GSE1: variants seen among roughly 807,000 people sequenced by gnomAD.
GSE1 encodes Gse1 coiled-coil protein.
GSE1 carries 32 observed loss-of-function variants against 112.6 expected under a neutral mutation model. That is an observed-to-expected ratio of 0.28 (90% CI 0.21 to 0.38). The LOEUF (loss-of-function observed/expected upper bound fraction) is 0.38. Among genes scored for constraint, GSE1 ranks in the 10% least tolerant of loss-of-function variants. The probability of loss-of-function intolerance (pLI) is 1.00; values close to 1 mark genes in which losing one functional copy is unlikely to be tolerated. For synonymous variants in GSE1, 1,115 were observed against 735.6 expected (o/e 1.52, Z -8.35); for missense variants, 2,348 against 1,699.2 (o/e 1.38, Z -6.71).
At chr16:85,476,838 C>T (rs565406076) in intron 2 of GSE1, among the ~76,000 whole-genome samples, 1 of 150,884 alleles carries the variant, frequency 6.6e-6, no homozygotes, top group African/African-American at 2.4e-5. Context: ...GCCTTGAACT[C>T]CTGGGCTCAA....
chr16:85,535,461 G>A lies in GSE1; in HGVS notation c.2465-98453G>A, dbSNP rs117271327. ...CAGTGGGATTTTACAGACACCCTCA[G>A]CCTGTGTGACCCGGGAGCTTTTCCA... is the stretch of plus-strand genomic sequence containing the variant. On this transcript the variant is annotated intron_variant, in intron 2 of 2. Transcript: ENST00000637419. 3.5e-3 allele frequency among the ~76,000 whole-genome samples: 540 copies of A among 152,338 alleles called. 18 individuals carry two copies. The East Asian group carries it at 0.084, about 24-fold the overall frequency.
chr16:85,434,841 A>G lies in GSE1; in HGVS notation c.2464+77198A>G, dbSNP rs115928817. ...AAAAATAAAAGGAAGTATCAGAGCC[A>G]GAATGGAAAGACAGGCCAGGGGCTG... is the stretch of plus-strand genomic sequence containing the variant. On this transcript the variant is annotated intron_variant, in intron 2 of 2. Coordinates refer to the GSE1 transcript ENST00000637419. Among the ~76,000 whole-genome samples, 441 of 152,374 alleles carry G rather than the reference A, an allele frequency of 2.9e-3. 2 individuals carry two copies. The highest frequency in any genetic ancestry group is 9.9e-3 in the African/African-American group (413 of 41,588).
intron 2 of GSE1, among the ~76,000 whole-genome samples, chr16:85,436,209 C>G (rs1363070069): frequency 6.6e-6 from 1 of 152,240 alleles, no homozygotes; most frequent in Non-Finnish European, 1.5e-5. Context: ...CCCCTAAACT[C>G]CTCTCCTCTC....
intron 1 of GSE1, among the ~76,000 whole-genome samples, chr16:85,260,549 C>G (rs897451868): frequency 7.9e-5 from 12 of 152,154 alleles, no homozygotes; most frequent in African/African-American, 2.9e-4. Context: ...TCTCGAACTG[C>G]TGACCTCAGG....
At chr16:85,304,604 G>GGA (rs201502307) in intron 1 of GSE1, among the ~76,000 whole-genome samples, 3,220 of 135,246 alleles carry the variant, frequency 0.024, 193 homozygotes, top group African/African-American at 0.082. Flanking sequence ...CCGGGGGCGG[G>GGA]GGGGTGGGGC....
At chr16:85,304,677 G>A (rs2045626175) in intron 1 of GSE1, among the ~76,000 whole-genome samples, 1 of 146,892 alleles carries the variant, frequency 6.8e-6, no homozygotes, top group East Asian at 2.0e-4. Flanking sequence ...AAAGCCACCT[G>A]TTGGCAGCTG....
chr16:85,293,393 A>G (rs1017271954), intron 1 of GSE1, among the ~76,000 whole-genome samples: 1 of 152,056 alleles, frequency 6.6e-6, no homozygotes, highest in African/African-American at 2.4e-5. Context: ...TAAAAATACA[A>G]AAATCAGCTG....
upstream of GSE1, chr16:85,613,190 A>G: frequency 7.1e-7 from 1 of 1,413,356 alleles, no homozygotes; most frequent in South Asian, 1.5e-5. Flanking sequence ...GTGGCCCGGG[A>G]GTGGGCGGCG....
At chr16:85,430,721 C>T (rs923791752) in intron 2 of GSE1, among the ~76,000 whole-genome samples, 14 of 152,236 alleles carry the variant, frequency 9.2e-5, no homozygotes, top group Non-Finnish European at 1.8e-4. Flanking sequence ...GGGCATTCGT[C>T]TGAAGGGCAC....
intron 2 of GSE1, among the ~76,000 whole-genome samples, chr16:85,511,050 G>A (rs773734566): frequency 1.3e-5 from 2 of 152,218 alleles, no homozygotes; most frequent in Non-Finnish European, 2.9e-5. Context: ...CAAGGGCTGC[G>A]CTCTTGTTTC....
intron 2 of GSE1, among the ~76,000 whole-genome samples, chr16:85,526,584 G>C (rs1026204489): frequency 1.3e-5 from 2 of 152,256 alleles, no homozygotes; most frequent in African/African-American, 4.8e-5. Context: ...AGACAGGGCA[G>C]TGGTTACAGG....
At chr16:85,350,688 G>C (rs2046834747) in intron 1 of GSE1, among the ~76,000 whole-genome samples, 1 of 152,204 alleles carries the variant, frequency 6.6e-6, no homozygotes, top group African/African-American at 2.4e-5. Flanking sequence ...CAGCTAGTTT[G>C]TTGAGAACCT....
chr16:85,648,863 C>T (rs924305771), intron 3 of GSE1, 112 bp downstream of exon 3: 8 of 580,086 alleles, frequency 1.4e-5, no homozygotes, highest in South Asian at 2.5e-5. Flanking sequence ...CAGACACCCC[C>T]TCCCCCACCC....
intron 2 of GSE1, among the ~76,000 whole-genome samples, chr16:85,409,406 GC>G (rs1474448592): frequency 3.2e-5 from 1 of 31,540 alleles, no homozygotes; most frequent in African/African-American, 1.6e-4. Context: ...TACACTCAGG[GC>G]CCCCCTGGAT....
chr16:85,226,758 GGTGTGTGTGTGTGTGTGTGT>G (rs55999145), intron 1 of GSE1, among the ~76,000 whole-genome samples: 2,453 of 104,970 alleles, frequency 0.023, 86 homozygotes, highest in African/African-American at 0.087. Context: ...TGCCTGGACT[GGTGTGTGTGTGTGTGTGTGT>G]GTGTGTGTGT....
At chr16:85,574,021 G>T (rs764804181) in intron 1 of GSE1, among the ~76,000 whole-genome samples, 1 of 152,206 alleles carries the variant, frequency 6.6e-6, no homozygotes, top group Admixed American at 6.5e-5. Flanking sequence ...CTCAGCCCCC[G>T]CGGGGACTGG....
At chr16:85,353,053 C>G (rs557896342) in intron 1 of GSE1, among the ~76,000 whole-genome samples, 2 of 152,382 alleles carry the variant, frequency 1.3e-5, no homozygotes, top group South Asian at 4.1e-4. Context: ...TACAGCCACA[C>G]ATGTTTATTA....
intron 7 of GSE1, 80 bp from the exon 8 acceptor site, chr16:85,657,197 C>T: frequency 2.1e-6 from 2 of 975,508 alleles, no homozygotes; most frequent in Admixed American, 2.6e-5. Context: ...TTTCTCTGGG[C>T]AGTTGGGTGA....
intron 2 of GSE1, among the ~76,000 whole-genome samples, chr16:85,370,557 T>G (rs117867914): frequency 2.0e-5 from 3 of 152,152 alleles, no homozygotes; most frequent in African/African-American, 7.2e-5. Flanking sequence ...TGAAAGTGGA[T>G]ACAGCAATGA....
Sources: gnomAD v4.1 joint callset for allele counts (sites outside exome capture counted in the v4.1 genomes callset) on GRCh38, gnomAD v4.1.1 for gene constraint, MANE v1.5 for transcripts, NCBI Gene and HGNC (gene_info 2026-07-23, HGNC 2026-07-21) for gene names.